Variants in PCDHA2 observed in about 807,000 individuals in gnomAD.
The protein encoded by PCDHA2 is protocadherin alpha 2.
PCDHA2 carries 58 observed loss-of-function variants against 66.0 expected under a neutral mutation model. The ratio of observed to expected loss-of-function variants is 0.88; its 90% CI spans 0.71 to 1.09. The LOEUF is 1.09. Ranked by LOEUF, PCDHA2 falls within the 50% of genes least tolerant of loss-of-function variation. The pLI, the probability that PCDHA2 is intolerant of heterozygous loss-of-function variation, is 0.00. For synonymous variants in PCDHA2, 634 were observed against 554.0 expected (o/e 1.14, Z -2.03); for missense variants, 1,267 against 1,242.3 (o/e 1.02, Z -0.30).
chr5:140,858,711 A>T, intron 1 of PCDHA2: 1 of 537,382 alleles, frequency 1.9e-6, no homozygotes, highest in East Asian at 3.0e-5. Context: ...TATGTGATAT[A>T]GGTTGCAGTT....
At chr5:140,843,184 G>C in intron 1 of PCDHA2, 1 of 1,596,022 alleles carries the variant, frequency 6.3e-7, no homozygotes, top group Non-Finnish European at 8.6e-7. Flanking sequence ...CTCGCATCCC[G>C]TTCCGCGTGG....
rs116202025 is a variant in PCDHA2, at chr5:140,975,505, A to G, written c.2389-3444A>G. ...ATATCAATGTTCATAAAATAGCACTATGCAAAATCTGCAGTGGATATATTC... is the reference window on the plus strand; with the variant it reads ...ATATCAATGTTCATAAAATAGCACTGTGCAAAATCTGCAGTGGATATATTC... On this transcript the variant is annotated intron_variant, in intron 1 of 3. Transcript: ENST00000526136. Among the ~76,000 whole-genome samples, 512 of 152,350 alleles carry G rather than the reference A, an allele frequency of 3.4e-3. 3 individuals are homozygous for G. Among genetic ancestry groups the G allele is most frequent in the Middle Eastern group, 6.8e-3 (2 of 294 alleles).
At chr5:140,884,137 C>T (rs782067447) in intron 1 of PCDHA2, 4 of 1,613,402 alleles carry the variant, frequency 2.5e-6, no homozygotes, top group Middle Eastern at 1.7e-4. Context: ...TCCCGTTCCG[C>T]GTGGGGCTGT....
intron 1 of PCDHA2, among the ~76,000 whole-genome samples, chr5:140,937,108 G>A (rs1014984809): frequency 7.3e-5 from 11 of 151,276 alleles, no homozygotes; most frequent in Non-Finnish European, 1.5e-4. Context: ...CGCAGTCTCG[G>A]CTCACTGCAA....
chr5:140,876,637 C>T, intron 1 of PCDHA2: 1 of 1,614,206 alleles, frequency 6.2e-7, no homozygotes, highest in Non-Finnish European at 8.5e-7. Context: ...CATCTGCTCA[C>T]TGACACCTCA....
chr5:140,928,790 G>GGGT, intron 1 of PCDHA2: 2 of 1,614,176 alleles, frequency 1.2e-6, no homozygotes, highest in Non-Finnish European at 1.7e-6. Context: ...GTTAAGCAGA[G>GGGT]GGTGGTGGTA....
At chr5:140,968,442 T>C in intron 1 of PCDHA2, 1 of 1,614,068 alleles carries the variant, frequency 6.2e-7, no homozygotes, top group Non-Finnish European at 8.5e-7. Flanking sequence ...AGCCCACCAC[T>C]GAGCAGCACT....
chr5:140,965,821 C>T (rs782710036), intron 1 of PCDHA2, among the ~76,000 whole-genome samples: 9 of 152,150 alleles, frequency 5.9e-5, no homozygotes, highest in Non-Finnish European at 1.0e-4. Flanking sequence ...GCATTTTAAA[C>T]ATTTAAATAT....
chr5:140,920,129 A>T lies in PCDHA2; in HGVS notation c.2389-58820A>T, dbSNP rs369489887. Among the ~76,000 whole-genome samples, 8 of 152,262 alleles carry T rather than the reference A, an allele frequency of 5.3e-5. No homozygotes were observed. The South Asian group carries it at 1.7e-3, about 32-fold the overall frequency. ...CAACCTTGCCAACATCTTGAGTTTT[A>T]ATTCTCCTCTCCAAACCTGGGAGAA... On this transcript the variant is annotated intron_variant, in intron 1 of 3. Transcript: ENST00000526136.
chr5:140,857,140 G>A, intron 1 of PCDHA2: 1 of 1,598,276 alleles, frequency 6.3e-7, no homozygotes, highest in Non-Finnish European at 8.6e-7. Context: ...ATGCTCAAGT[G>A]GGCACCGTCA....
intron 1 of PCDHA2, among the ~76,000 whole-genome samples, chr5:140,798,123 A>G (rs1383324468): frequency 1.3e-5 from 2 of 151,950 alleles, no homozygotes; most frequent in African/African-American, 4.8e-5. Context: ...CCACCCTCCT[A>G]GGCCTCCCAA....
chr5:140,834,687 T>C, intron 1 of PCDHA2: 2 of 1,614,150 alleles, frequency 1.2e-6, no homozygotes, highest in Non-Finnish European at 1.7e-6. Flanking sequence ...GAGCGCGGAG[T>C]GCAGCATCCA....
chr5:140,885,792 C>T (rs2060715375), intron 1 of PCDHA2, among the ~76,000 whole-genome samples: 1 of 151,834 alleles, frequency 6.6e-6, no homozygotes, highest in Non-Finnish European at 1.5e-5. Context: ...AGCATATTGT[C>T]ATATGTATTT....
intron 1 of PCDHA2, among the ~76,000 whole-genome samples, chr5:140,838,757 T>C (rs2150292205): frequency 1.3e-5 from 2 of 151,922 alleles, no homozygotes; most frequent in African/African-American, 2.4e-5. Context: ...GCATCTTTTG[T>C]AGAGACTTTG....
chr5:140,836,209 A>T, intron 1 of PCDHA2: 1 of 1,613,782 alleles, frequency 6.2e-7, no homozygotes, highest in Non-Finnish European at 8.5e-7. Context: ...TGGCTTTCGT[A>T]TGAGTTGCAA....
intron 1 of PCDHA2, chr5:140,823,585 G>A: frequency 6.2e-7 from 1 of 1,614,018 alleles, no homozygotes; most frequent in Non-Finnish European, 8.5e-7. Flanking sequence ...GGGCTACAAC[G>A]CTTGGCTTTC....
At chr5:140,967,355 C>G in intron 1 of PCDHA2, 1 of 1,608,112 alleles carries the variant, frequency 6.2e-7, no homozygotes, top group Non-Finnish European at 8.5e-7. Context: ...CGAGCTGGAC[C>G]TTAAGCCCCT....
At chr5:140,827,441 C>T (rs1769294001) in intron 1 of PCDHA2, among the ~76,000 whole-genome samples, 2 of 152,198 alleles carry the variant, frequency 1.3e-5, no homozygotes, top group Non-Finnish European at 2.9e-5. Context: ...CATCATTACA[C>T]AGAAGAACCT....
intron 1 of PCDHA2, among the ~76,000 whole-genome samples, chr5:140,917,329 GA>G (rs1467900886): frequency 0.012 from 1,654 of 143,658 alleles, 142 homozygotes; most frequent in African/African-American, 0.032. Context: ...TGTGGCGGGG[GA>G]GGGGGGGGAT....
Sources: allele counts gnomAD v4.1 joint callset (sites outside exome capture counted in the v4.1 genomes callset), GRCh38; gene constraint gnomAD v4.1.1; transcripts MANE v1.5; gene names NCBI Gene and HGNC (gene_info 2026-07-23, HGNC 2026-07-21).